The following FGF2 variants were observed in gnomAD, a reference collection of about 807,000 sequenced individuals.
FGF2 encodes the protein basic fibroblast growth factor bFGF.
FGF2 carries 13 observed loss-of-function variants against 15.9 expected under a neutral mutation model. The observed-to-expected ratio is 0.82, with a 90% CI of 0.53 to 1.30. FGF2 has a LOEUF of 1.30. FGF2 is among the 50% of genes most tolerant of loss of function. FGF2 has a pLI of 0.00. For missense variants in FGF2, 163 were observed against 196.9 expected, an observed-to-expected ratio of 0.83 and a Z score of 1.03; for synonymous variants, 90 against 78.4, an observed-to-expected ratio of 1.15 and a Z score of -0.78.
rs1725663425 is a variant in FGF2, at chr4:122,827,326, G to A, written c.152G>A (p.Gly51Glu). 1 of 1,612,998 alleles carries A rather than the reference G, an allele frequency of 6.2e-7. No homozygotes were observed. The highest frequency in any genetic ancestry group is 8.5e-7 in the Non-Finnish European group (1 of 1,179,904). Reference protein sequence around the residue: ...LRIHPDGRVDGVREKSDPHIK... With the variant: ...LRIHPDGRVDEVREKSDPHIK... ...ATCCACCCCGACGGCCGAGTTGACGGGGTCCGGGAGAAGAGCGACCCTCAC... is the reference window on the plus strand; with the variant it reads ...ATCCACCCCGACGGCCGAGTTGACGAGGTCCGGGAGAAGAGCGACCCTCAC... Residue 51 changes from glycine to glutamate, a missense_variant, in exon 1 of 3, where the codon GGG becomes GAG. Coordinates refer to ENST00000644866, the MANE Select transcript of FGF2 (RefSeq NM_001361665.2). This position sits in a 1 kb window ranked among gnomAD's most constrained non-coding sequence, Gnocchi z 4.2.
intron 1 of FGF2, among the ~76,000 whole-genome samples, chr4:122,858,788 G>A (rs953788536): frequency 2.0e-5 from 3 of 152,040 alleles, no homozygotes; most frequent in Non-Finnish European, 4.4e-5. Flanking sequence ...TGGATTGGAT[G>A]ATGGCTGATG....
chr4:122,856,324 T>C (rs1169642355), intron 1 of FGF2, among the ~76,000 whole-genome samples: 1 of 152,186 alleles, frequency 6.6e-6, no homozygotes, highest in South Asian at 2.1e-4. Context: ...TTATCCCTTG[T>C]ACCTGAATGG....
intron 2 of FGF2, among the ~76,000 whole-genome samples, chr4:122,880,188 C>T (rs551888096): frequency 2.1e-4 from 32 of 152,048 alleles, no homozygotes; most frequent in African/African-American, 7.2e-4. Flanking sequence ...AGAAATTGGC[C>T]CAAATGAAGG....
intron 1 of FGF2, among the ~76,000 whole-genome samples, chr4:122,849,091 A>G (rs1726173972): frequency 6.6e-6 from 1 of 152,202 alleles, no homozygotes; most frequent in Non-Finnish European, 1.5e-5. Flanking sequence ...CTTTGAAGCT[A>G]AAACACCATA....
At chr4:122,847,688 T>G (rs1726145392) in intron 1 of FGF2, among the ~76,000 whole-genome samples, 1 of 152,164 alleles carries the variant, frequency 6.6e-6, no homozygotes, top group South Asian at 2.1e-4. Flanking sequence ...AGGGATTTAT[T>G]TTAAGGAATT....
chr4:122,869,743 T>A (rs1035299719), intron 1 of FGF2, among the ~76,000 whole-genome samples: 3 of 152,148 alleles, frequency 2.0e-5, no homozygotes, highest in African/African-American at 7.2e-5. Context: ...TGGGCAGAGA[T>A]GATGGGGTTT....
intron 1 of FGF2, among the ~76,000 whole-genome samples, chr4:122,866,021 T>C (rs1005292517): frequency 4.6e-5 from 7 of 152,240 alleles, no homozygotes; most frequent in Non-Finnish European, 7.3e-5. Context: ...AGAACATTGA[T>C]AAATTGGACT....
intron 1 of FGF2, among the ~76,000 whole-genome samples, chr4:122,834,007 T>C (rs1725816620): frequency 6.6e-6 from 1 of 152,236 alleles, no homozygotes; most frequent in South Asian, 2.1e-4. Context: ...AGGAAAATCC[T>C]GGTTCTTGTC....
At position 122,893,029 on chromosome 4, in the gene FGF2, A is replaced by T. The variant is rs1727233719; in HGVS notation, c.*633A>T. 1 of 1,614,136 alleles carries T rather than the reference A, an allele frequency of 6.2e-7. No individual in the cohort carries two copies. Among genetic ancestry groups the T allele is most frequent in the East Asian group, 2.2e-5 (1 of 44,882 alleles). On this transcript the variant is annotated 3_prime_UTR_variant, in exon 3 of 3. Transcript: ENST00000644866. Reference sequence around the variant, plus strand: ...TTTCAGTCTTCGCCAGGTCATTGAGATCCATCCACTCACATCTTAAGCATT... The same window carrying T: ...TTTCAGTCTTCGCCAGGTCATTGAGTTCCATCCACTCACATCTTAAGCATT...
At chr4:122,891,021 CTTTTT>C (rs769084285) in intron 2 of FGF2, among the ~76,000 whole-genome samples, 4 of 94,736 alleles carry the variant, frequency 4.2e-5, no homozygotes, top group Admixed American at 1.1e-4. Context: ...AACAATTTAT[CTTTTT>C]TTTTTTTTTG....
chr4:122,853,428 A>G (rs1726275161), intron 1 of FGF2, among the ~76,000 whole-genome samples: 1 of 152,248 alleles, frequency 6.6e-6, no homozygotes, highest in Non-Finnish European at 1.5e-5. Context: ...TATTATAAAT[A>G]TCTTAACACA....
chr4:122,834,760 T>C (rs1408417090), intron 1 of FGF2, among the ~76,000 whole-genome samples: 1 of 152,224 alleles, frequency 6.6e-6, no homozygotes, highest in Admixed American at 6.5e-5. Flanking sequence ...TGGGAGATAG[T>C]TTAAAGGATA....
At chr4:122,885,666 G>A (rs1578479948) in intron 2 of FGF2, among the ~76,000 whole-genome samples, 1 of 151,892 alleles carries the variant, frequency 6.6e-6, no homozygotes, top group African/African-American at 2.4e-5. Flanking sequence ...TGCACCTGTC[G>A]CAACTAATGA....
At chr4:122,892,102 C>A in intron 2 of FGF2, 109 bp from the exon 3 acceptor site, 1 of 979,998 alleles carries the variant, frequency 1.0e-6, no homozygotes, top group Non-Finnish European at 1.6e-6. Flanking sequence ...CCCAACATCA[C>A]TGCTGCTGGT....
chr4:122,886,263 G>T (rs1727057769), intron 2 of FGF2, among the ~76,000 whole-genome samples: 1 of 152,064 alleles, frequency 6.6e-6, no homozygotes, highest in Non-Finnish European at 1.5e-5. Flanking sequence ...GTGTTTGAGA[G>T]GAAGACTATA....
intron 2 of FGF2, among the ~76,000 whole-genome samples, chr4:122,880,851 A>G (rs750601063): frequency 6.6e-6 from 1 of 152,166 alleles, no homozygotes; most frequent in Non-Finnish European, 1.5e-5. Context: ...CTCTGACCCC[A>G]CATTTCCCTT....
chr4:122,868,927 T>C (rs1424567833), intron 1 of FGF2, among the ~76,000 whole-genome samples: 2 of 152,240 alleles, frequency 1.3e-5, no homozygotes, highest in African/African-American at 4.8e-5. Context: ...TTTTGAGAAG[T>C]GTCTGTTCAT....
intron 2 of FGF2, among the ~76,000 whole-genome samples, chr4:122,885,551 T>A (rs1450494445): frequency 2.6e-5 from 4 of 152,122 alleles, no homozygotes; most frequent in Non-Finnish European, 5.9e-5. Flanking sequence ...ATATTTTAGT[T>A]TTACAATGGT....
At chr4:122,881,087 C>T (rs1332191333) in intron 2 of FGF2, among the ~76,000 whole-genome samples, 2 of 152,192 alleles carry the variant, frequency 1.3e-5, no homozygotes, top group Non-Finnish European at 1.5e-5. Context: ...CTTTTAGTCA[C>T]AGCTGGAGCA....
Sources: gnomAD v4.1 joint callset for allele counts (sites outside exome capture counted in the v4.1 genomes callset) on GRCh38, gnomAD v4.1.1 for gene constraint, Gnocchi (gnomAD v3.1) non-coding constraint, MANE v1.5 for transcripts, NCBI Gene and HGNC (gene_info 2026-07-23, HGNC 2026-07-21) for gene names.